SGMS1: variants seen among roughly 807,000 people sequenced by gnomAD.
SGMS1 encodes phosphatidylcholine:ceramide cholinephosphotransferase 1.
A neutral mutation model predicts 46.2 loss-of-function variants in SGMS1; 13 were observed. The observed-to-expected ratio is 0.28, with a 90% CI of 0.18 to 0.45. SGMS1 has a LOEUF of 0.45. Ranked by LOEUF, SGMS1 falls within the 20% of genes least tolerant of loss-of-function variation. The pLI is 1.00. For missense variants in SGMS1, 324 were observed against 519.9 expected, an observed-to-expected ratio of 0.62 and a Z score of 3.66; for synonymous variants, 203 against 187.8, an observed-to-expected ratio of 1.08 and a Z score of -0.66.
intron 5 of SGMS1, among the ~76,000 whole-genome samples, chr10:50,438,346 G>A (rs2133630260): frequency 6.6e-6 from 1 of 152,354 alleles, no homozygotes; most frequent in East Asian, 1.9e-4. Context: ...TTTTGAAAGT[G>A]CAGGCTGCCA....
chr10:50,473,783 G>T (rs894542135), intron 3 of SGMS1, among the ~76,000 whole-genome samples: 2 of 152,104 alleles, frequency 1.3e-5, no homozygotes, highest in Non-Finnish European at 1.5e-5. Flanking sequence ...GTTGTCTTTC[G>T]ATTGCCATCT....
intron 2 of SGMS1, among the ~76,000 whole-genome samples, chr10:50,586,668 G>A (rs1838487510): frequency 6.6e-6 from 1 of 152,240 alleles, no homozygotes; most frequent in Admixed American, 6.5e-5. Flanking sequence ...GGGACATGGT[G>A]AGTCACAGGA....
intron 6 of SGMS1, among the ~76,000 whole-genome samples, chr10:50,353,924 C>T (rs1308392791): frequency 5.3e-5 from 8 of 152,072 alleles, no homozygotes; most frequent in Non-Finnish European, 7.3e-5. Flanking sequence ...AAAACCACTG[C>T]TCAATGAAAT....
intron 6 of SGMS1, among the ~76,000 whole-genome samples, chr10:50,356,479 T>TTTATCTGCTGACCTTCCCTCC (rs1467533781): frequency 7.1e-4 from 108 of 152,148 alleles, no homozygotes; most frequent in Admixed American, 2.9e-3. Context: ...TGTTCACATG[T>TTTATCTGCTGACCTTCCCTCC]TTATCTGCTG....
intron 3 of SGMS1, among the ~76,000 whole-genome samples, chr10:50,484,630 C>A (rs536632053): frequency 6.4e-4 from 97 of 152,246 alleles, no homozygotes; most frequent in African/African-American, 1.9e-3. Flanking sequence ...TGATGAACAT[C>A]TATGCAAAAG....
intron 8 of SGMS1, among the ~76,000 whole-genome samples, chr10:50,312,818 G>A (rs1338055514): frequency 6.6e-6 from 1 of 152,110 alleles, no homozygotes; most frequent in African/African-American, 2.4e-5. Flanking sequence ...AGAAGAAATG[G>A]GACTCACTAC....
At chr10:50,338,410 A>C (rs1847752651) in intron 7 of SGMS1, among the ~76,000 whole-genome samples, 1 of 152,226 alleles carries the variant, frequency 6.6e-6, no homozygotes, top group African/African-American at 2.4e-5. Flanking sequence ...GCTATGGTAG[A>C]AAACACATAT....
At chr10:50,494,051 C>T (rs1258858387) in intron 3 of SGMS1, among the ~76,000 whole-genome samples, 7 of 152,246 alleles carry the variant, frequency 4.6e-5, no homozygotes, top group Non-Finnish European at 8.8e-5. Context: ...CCCGCCTTGG[C>T]CTCCCAAAGT....
intron 1 of SGMS1, among the ~76,000 whole-genome samples, chr10:50,621,104 G>A (rs1359153995): frequency 6.6e-6 from 1 of 152,086 alleles, no homozygotes; most frequent in Non-Finnish European, 1.5e-5. Flanking sequence ...TGAGCCTGGA[G>A]AGTTCAAAGC....
intron 3 of SGMS1, among the ~76,000 whole-genome samples, chr10:50,470,495 GC>G (rs1837369404): frequency 1.3e-5 from 2 of 151,628 alleles, no homozygotes. Flanking sequence ...CTGTCAAAAA[GC>G]CCCAGGCATG....
At chr10:50,400,990 T>A (rs1012978703) in intron 6 of SGMS1, among the ~76,000 whole-genome samples, 3 of 152,172 alleles carry the variant, frequency 2.0e-5, no homozygotes, top group African/African-American at 7.2e-5. Flanking sequence ...ACCAGACCAA[T>A]GGCAGAGACA....
At chr10:50,589,796 AT>A (rs1433076929) in intron 2 of SGMS1, among the ~76,000 whole-genome samples, 1 of 152,274 alleles carries the variant, frequency 6.6e-6, no homozygotes, top group South Asian at 2.1e-4. Context: ...ATCTGACTTT[AT>A]TTCTATCAAC....
intron 6 of SGMS1, among the ~76,000 whole-genome samples, chr10:50,356,774 T>C (rs1159661601): frequency 6.6e-6 from 1 of 151,928 alleles, no homozygotes; most frequent in African/African-American, 2.4e-5. Context: ...TGTAGGGACA[T>C]GGATGAAGCT....
chr10:50,311,543 T>TG, intron 8 of SGMS1, 128 bp from the exon 9 acceptor site: 1 of 598,076 alleles, frequency 1.7e-6, no homozygotes, highest in South Asian at 2.2e-5. Flanking sequence ...CCAGGAAGTT[T>TG]GCCCACTCAG....
intron 5 of SGMS1, among the ~76,000 whole-genome samples, chr10:50,450,499 G>A (rs559490054): frequency 4.4e-4 from 67 of 152,254 alleles, no homozygotes; most frequent in African/African-American, 1.3e-3. Context: ...CTGTATGGGA[G>A]TCTATAAGTG....
intron 6 of SGMS1, among the ~76,000 whole-genome samples, chr10:50,432,870 T>C (rs578236491): frequency 2.6e-5 from 4 of 152,282 alleles, no homozygotes; most frequent in African/African-American, 9.6e-5. Flanking sequence ...GACTCAAAAA[T>C]ATATGATCTT....
At chr10:50,423,647 A>T (rs1448622658) in intron 6 of SGMS1, among the ~76,000 whole-genome samples, 1 of 152,202 alleles carries the variant, frequency 6.6e-6, no homozygotes, top group Non-Finnish European at 1.5e-5. Flanking sequence ...GGAAAAAAAA[A>T]AACTAAGTGC....
chr10:50,614,111 C>CTTT (rs143712383), intron 1 of SGMS1, among the ~76,000 whole-genome samples: 1 of 145,128 alleles, frequency 6.9e-6, no homozygotes, highest in Non-Finnish European at 1.5e-5. Flanking sequence ...GGAAGTCTTT[C>CTTT]TTTTTTTTTT....
At chr10:50,527,153 A>G (rs1837911415) in intron 2 of SGMS1, among the ~76,000 whole-genome samples, 1 of 151,660 alleles carries the variant, frequency 6.6e-6, no homozygotes, top group Non-Finnish European at 1.5e-5. Context: ...ACAGCCATCC[A>G]CTCCGTAAGT....
Sources: allele counts gnomAD v4.1 joint callset (sites outside exome capture counted in the v4.1 genomes callset), GRCh38; gene constraint gnomAD v4.1.1; transcripts MANE v1.5; gene names NCBI Gene and HGNC (gene_info 2026-07-23, HGNC 2026-07-21).